Variants in NCOA1 observed in about 807,000 individuals in gnomAD.
NCOA1 encodes Hin-2 protein.
In NCOA1, 35 loss-of-function variants were observed where a neutral mutation model predicts 150.9. That is an observed-to-expected ratio of 0.23 (90% CI 0.18 to 0.31). The LOEUF (loss-of-function observed/expected upper bound fraction) is 0.31. Among genes scored for constraint, NCOA1 ranks in the 10% least tolerant of loss-of-function variants. The pLI is 1.00. For synonymous variants in NCOA1, 590 were observed against 630.0 expected (o/e 0.94, Z 0.95); for missense variants, 1,491 against 1,749.3 (o/e 0.85, Z 2.63).
intron 3 of NCOA1, among the ~76,000 whole-genome samples, chr2:24,626,626 A>C (rs1289253723): frequency 6.6e-6 from 1 of 152,136 alleles, no homozygotes; most frequent in South Asian, 2.1e-4. Flanking sequence ...TGACCTAATA[A>C]ATTTTGGATG....
At chr2:24,616,545 G>C (rs962736171) in intron 3 of NCOA1, among the ~76,000 whole-genome samples, 1 of 152,114 alleles carries the variant, frequency 6.6e-6, no homozygotes, top group African/African-American at 2.4e-5. Flanking sequence ...AAATGATATC[G>C]GGGATTATAG....
At chr2:24,670,137 A>AG (rs1213777036) in intron 6 of NCOA1, among the ~76,000 whole-genome samples, 1 of 98,118 alleles carries the variant, frequency 1.0e-5, no homozygotes, top group Non-Finnish European at 2.4e-5. Context: ...GGAGTGTCTT[A>AG]GGAAAAAAAA....
chr2:24,617,280 T>C (rs1341775624), intron 3 of NCOA1, among the ~76,000 whole-genome samples: 1 of 152,176 alleles, frequency 6.6e-6, no homozygotes, highest in East Asian at 1.9e-4. Flanking sequence ...CACTTTTTTC[T>C]AAGAGTTTGT....
chr2:24,741,819 G>C lies in NCOA1; in HGVS notation c.3339G>C (p.Gln1113His), dbSNP rs1342447128. ...PLNAQMLAQR[Q>H]RELYSQQHRQ... is the part of the protein sequence containing the mutation. ...ATGCTCAAATGTTGGCACAACGTCAGCGGGAACTGTACAGTCAACAGCACC... is the reference window on the plus strand; with the variant it reads ...ATGCTCAAATGTTGGCACAACGTCACCGGGAACTGTACAGTCAACAGCACC... Residue 1113 changes from glutamine (Q) to histidine (H), a missense_variant, in exon 19 of 23, where the codon CAG becomes CAC. Gln to His is a conservative substitution (Grantham distance 24, BLOSUM62 0). This residue lies in a region of NCOA1 where 485 missense variants were observed against 522.8 expected (regional missense o/e 0.93). Coordinates refer to ENST00000348332, the MANE Select transcript of NCOA1 (RefSeq NM_003743.5). 1 of 1,614,034 alleles carries C rather than the reference G, an allele frequency of 6.2e-7. No homozygotes were observed. The highest frequency in any genetic ancestry group is 1.7e-5 in the Admixed American group (1 of 60,000).
intron 17 of NCOA1, among the ~76,000 whole-genome samples, chr2:24,737,742 T>C (rs1435272876): frequency 6.6e-6 from 1 of 152,174 alleles, no homozygotes; most frequent in Non-Finnish European, 1.5e-5. Flanking sequence ...TGTGTCCGTC[T>C]ATGCAGACAA....
chr2:24,625,312 G>A (rs1356997871), intron 3 of NCOA1, among the ~76,000 whole-genome samples: 1 of 143,668 alleles, frequency 7.0e-6, no homozygotes, highest in Non-Finnish European at 1.5e-5. Context: ...GTAGCAGTGA[G>A]CCGAGATTGC....
At chr2:24,566,487 A>G (rs1330332181) in intron 2 of NCOA1, among the ~76,000 whole-genome samples, 2 of 152,164 alleles carry the variant, frequency 1.3e-5, no homozygotes, top group African/African-American at 4.8e-5. Flanking sequence ...GGCTGAATCC[A>G]GGGTTTTTAT....
At chr2:24,700,229 G>A (rs926973874) in intron 11 of NCOA1, among the ~76,000 whole-genome samples, 3 of 151,406 alleles carry the variant, frequency 2.0e-5, no homozygotes, top group African/African-American at 7.3e-5. Context: ...AGATTGGAGA[G>A]AGGTGTTATT....
At chr2:24,556,200 A>C (rs892639224) in intron 1 of NCOA1, 2 of 151,872 alleles carry the variant, frequency 1.3e-5, no homozygotes, top group African/African-American at 4.8e-5. Context: ...CCCTATGTCC[A>C]TGTGTTCTCA....
chr2:24,574,219 C>G (rs1239436665), intron 2 of NCOA1, among the ~76,000 whole-genome samples: 2 of 151,978 alleles, frequency 1.3e-5, no homozygotes, highest in African/African-American at 4.8e-5. Flanking sequence ...TTTATTAACT[C>G]TAAGCTGATT....
chr2:24,643,270 TGGGAAGAGTTCCGAGTTCCCTTCC>T (rs1670312702), intron 3 of NCOA1, among the ~76,000 whole-genome samples: 1 of 152,208 alleles, frequency 6.6e-6, no homozygotes, highest in Non-Finnish European at 1.5e-5. Context: ...GTGGGAGTAC[TGGGAAGAGTTCCGAGTTCCCTTCC>T]AGGAGAGTCT....
intron 3 of NCOA1, among the ~76,000 whole-genome samples, chr2:24,633,155 C>T (rs1010863627): frequency 2.0e-5 from 3 of 151,520 alleles, no homozygotes; most frequent in East Asian, 3.9e-4. Flanking sequence ...TACACACACA[C>T]ATATATATAT....
chr2:24,728,474 C>A lies in NCOA1; in HGVS notation c.2884C>A (p.Gln962Lys). 1 of 1,609,616 alleles carries A rather than the reference C, an allele frequency of 6.2e-7. No individual in the cohort carries two copies. The highest frequency in any genetic ancestry group is 2.2e-5 in the East Asian group (1 of 44,764). ...DRALGIDKLV[Q>K]GGGLDVLSER... is the part of the protein sequence containing the mutation. ...AGCTCTGGGAATTGACAAACTTGTT[C>A]AGGTATTTATTAAAGTCAACATTAT... Residue 962 changes from glutamine to lysine, a missense_variant and splice_region_variant, in exon 16 of 23, where the codon CAG becomes AAG. Physicochemically the swap from Gln to Lys is moderately conservative, Grantham distance 53 (BLOSUM62 1). Coordinates refer to ENST00000348332, the MANE Select transcript of NCOA1 (RefSeq NM_003743.5).
intron 3 of NCOA1, among the ~76,000 whole-genome samples, chr2:24,624,801 A>G (rs1395469817): frequency 6.6e-6 from 1 of 152,210 alleles, no homozygotes; most frequent in African/African-American, 2.4e-5. Flanking sequence ...TTATAAGTGG[A>G]TTTTGAGCTG....
At chr2:24,503,307 G>GT (rs1558747056) in intron 1 of NCOA1, among the ~76,000 whole-genome samples, 2 of 152,180 alleles carry the variant, frequency 1.3e-5, no homozygotes, top group African/African-American at 2.4e-5. Flanking sequence ...AGCTTGGTGA[G>GT]TAATTGTTCT....
chr2:24,532,376 C>G (rs1321582057), intron 1 of NCOA1, among the ~76,000 whole-genome samples: 3 of 151,988 alleles, frequency 2.0e-5, no homozygotes, highest in Non-Finnish European at 2.9e-5. Context: ...GGGTATATTG[C>G]AAAAATTTTC....
chr2:24,754,642 G>A (rs1044464135), intron 20 of NCOA1, among the ~76,000 whole-genome samples: 2 of 152,172 alleles, frequency 1.3e-5, no homozygotes, highest in Non-Finnish European at 2.9e-5. Flanking sequence ...TACCCCTGGC[G>A]CCTCCTTTCC....
intron 17 of NCOA1, 76 bp downstream of exon 17, chr2:24,729,891 G>A: frequency 6.8e-7 from 1 of 1,475,482 alleles, no homozygotes; most frequent in Non-Finnish European, 9.1e-7. Flanking sequence ...GGCTAGTGTG[G>A]CTAGTGTGCA....
chr2:24,743,984 T>C (rs55781749), intron 19 of NCOA1, among the ~76,000 whole-genome samples: 6,497 of 152,298 alleles, frequency 0.043, 223 homozygotes, highest in African/African-American at 0.094. Context: ...AACTTTATAT[T>C]CTGCTTTCAT....
Sources: allele counts gnomAD v4.1 joint callset (sites outside exome capture counted in the v4.1 genomes callset), GRCh38; gene constraint gnomAD v4.1.1; regional missense constraint gnomAD v4.1.1; transcripts MANE v1.5; gene names NCBI Gene and HGNC (gene_info 2026-07-23, HGNC 2026-07-21).